Variants in MAGI2 observed in about 807,000 individuals in gnomAD.
The protein encoded by MAGI2 is membrane-associated guanylate kinase, WW and PDZ domain-containing protein 2.
Under a neutral mutation model 133.3 loss-of-function variants are expected in MAGI2, and 35 were observed. That is an observed-to-expected ratio of 0.26 (90% CI 0.20 to 0.35). The LOEUF is 0.35. MAGI2 is among the 10% of genes least tolerant of loss of function. The pLI, the probability that MAGI2 is intolerant of heterozygous loss-of-function variation, is 1.00. For synonymous variants in MAGI2, 729 were observed against 710.6 expected (o/e 1.03, Z -0.41); for missense variants, 1,636 against 1,863.4 (o/e 0.88, Z 2.25).
chr7:78,671,961 T>C (rs1363172443), intron 2 of MAGI2, among the ~76,000 whole-genome samples: 2 of 152,098 alleles, frequency 1.3e-5, no homozygotes, highest in East Asian at 3.9e-4. Flanking sequence ...TCCAAAAAAG[T>C]GATTCATAAT....
chr7:79,285,979 A>G (rs956454331), intron 1 of MAGI2, among the ~76,000 whole-genome samples: 1 of 152,144 alleles, frequency 6.6e-6, no homozygotes, highest in Admixed American at 6.6e-5. Context: ...AGGACAGTAA[A>G]TCTTCTGACT....
intron 20 of MAGI2, among the ~76,000 whole-genome samples, chr7:78,093,951 G>C (rs1015770387): frequency 2.0e-5 from 3 of 152,152 alleles, no homozygotes; most frequent in Non-Finnish European, 4.4e-5. Flanking sequence ...AAGCAAGCAA[G>C]CAACCAACCA....
chr7:78,767,983 G>A (rs2151313359), intron 2 of MAGI2, among the ~76,000 whole-genome samples: 1 of 152,244 alleles, frequency 6.6e-6, no homozygotes, highest in East Asian at 1.9e-4. Flanking sequence ...TTTCTCCCTT[G>A]ATGGTTTCTG....
chr7:78,271,606 C>T (rs1392796156), intron 9 of MAGI2, among the ~76,000 whole-genome samples: 1 of 152,046 alleles, frequency 6.6e-6, no homozygotes, highest in African/African-American at 2.4e-5. Flanking sequence ...GGTTGGTAGG[C>T]TATTAATTAT....
intron 2 of MAGI2, among the ~76,000 whole-genome samples, chr7:78,757,305 T>TTCTCTCTCTCTCTCTCTCTCTC (rs3086250): frequency 1.4e-5 from 2 of 145,288 alleles, no homozygotes; most frequent in African/African-American, 2.5e-5. Context: ...TTCTCCCTCC[T>TTCTCTCTCTCTCTCTCTCTCTC]TCTCTCTCTC....
chr7:79,404,563 C>T (rs990392521), intron 1 of MAGI2, among the ~76,000 whole-genome samples: 2 of 152,090 alleles, frequency 1.3e-5, no homozygotes, highest in Non-Finnish European at 2.9e-5. Context: ...AGTGCCATTA[C>T]TGTCTTCATC....
At position 79,426,163 on chromosome 7, in the gene MAGI2, C is replaced by A. The variant is rs1847357695; in HGVS notation, c.301+26857G>T. Among the ~76,000 whole-genome samples the A allele has an allele frequency of 3.3e-5, 5 of 152,184 alleles. No homozygotes were observed. In the Middle Eastern group the frequency reaches 0.01, roughly 311 times the overall value. On this transcript the variant is annotated intron_variant, in intron 1 of 21. Transcript: ENST00000354212. ...CTGTTAGTTATACTCTAAACCTAAC[C>A]ACAATCTCAGAATGTCAAGCTGGGA...
intron 10 of MAGI2, among the ~76,000 whole-genome samples, chr7:78,215,128 TA>T (rs1046514237): frequency 2.0e-5 from 3 of 152,144 alleles, no homozygotes; most frequent in African/African-American, 7.2e-5. Context: ...TGGGTGACTC[TA>T]CGAAGCATAA....
intron 2 of MAGI2, among the ~76,000 whole-genome samples, chr7:78,901,033 A>G (rs1405070072): frequency 6.6e-6 from 1 of 152,212 alleles, no homozygotes; most frequent in Non-Finnish European, 1.5e-5. Flanking sequence ...ATCTGTCACA[A>G]GACGAATTAG....
chr7:78,981,020 T>C (rs1484339778), intron 2 of MAGI2, among the ~76,000 whole-genome samples: 1 of 151,732 alleles, frequency 6.6e-6, no homozygotes, highest in South Asian at 2.1e-4. Context: ...AGTCTAATTA[T>C]TGTTCTTTTG....
intron 6 of MAGI2, chr7:78,487,505 T>C (rs763507193): frequency 6.6e-6 from 1 of 152,180 alleles, no homozygotes; most frequent in Non-Finnish European, 1.5e-5. Context: ...ATGGTGCTTT[T>C]GCACAGTGAG....
intron 2 of MAGI2, among the ~76,000 whole-genome samples, chr7:78,772,197 C>T (rs1825649330): frequency 6.6e-6 from 1 of 152,034 alleles, no homozygotes; most frequent in Non-Finnish European, 1.5e-5. Context: ...ATCTCTACCA[C>T]TGAATAGAAA....
At chr7:78,556,569 A>C (rs1199124730) in intron 3 of MAGI2, among the ~76,000 whole-genome samples, 2 of 152,238 alleles carry the variant, frequency 1.3e-5, no homozygotes, top group East Asian at 3.9e-4. Context: ...TGAGGAGAGT[A>C]TGTGAAGCAA....
chr7:78,337,914 A>ATCCG (rs1789941795), intron 9 of MAGI2, among the ~76,000 whole-genome samples: 1 of 151,972 alleles, frequency 6.6e-6, no homozygotes, highest in South Asian at 2.1e-4. Context: ...CCATCCATCC[A>ATCCG]TCCATCCATC....
intron 2 of MAGI2, among the ~76,000 whole-genome samples, chr7:78,887,420 C>A (rs1013208215): frequency 7.2e-5 from 11 of 152,218 alleles, no homozygotes; most frequent in African/African-American, 2.4e-4. Flanking sequence ...ATTCTGGGAG[C>A]AAGCCGCAGT....
At chr7:78,050,623 T>C (rs55777236) in intron 21 of MAGI2, among the ~76,000 whole-genome samples, 3,796 of 152,280 alleles carry the variant, frequency 0.025, 63 homozygotes, top group Non-Finnish European at 0.04. Flanking sequence ...TGTTTCTCTC[T>C]CAGGTTTGCA....
intron 7 of MAGI2, among the ~76,000 whole-genome samples, chr7:78,356,306 G>A (rs1487124750): frequency 6.6e-6 from 1 of 152,158 alleles, no homozygotes; most frequent in Non-Finnish European, 1.5e-5. Flanking sequence ...TTGTAGGCCA[G>A]GTTCAGTTCT....
chr7:78,255,673 A>T (rs1196455249), intron 10 of MAGI2: 6 of 578,094 alleles, frequency 1.0e-5, no homozygotes, highest in Non-Finnish European at 1.5e-5. Flanking sequence ...ATAGTTGGGG[A>T]TTTAATCTTT....
At chr7:79,395,877 G>A (rs1184585536) in intron 1 of MAGI2, among the ~76,000 whole-genome samples, 1 of 152,108 alleles carries the variant, frequency 6.6e-6, no homozygotes, top group Non-Finnish European at 1.5e-5. Flanking sequence ...GGATGAATGA[G>A]TGAATTAACA....
Sources: gnomAD v4.1 joint callset for allele counts (sites outside exome capture counted in the v4.1 genomes callset) on GRCh38, gnomAD v4.1.1 for gene constraint, MANE v1.5 for transcripts, NCBI Gene and HGNC (gene_info 2026-07-23, HGNC 2026-07-21) for gene names.